Variants in SH3RF3 observed in about 807,000 individuals in gnomAD.
SH3RF3 encodes E3 ubiquitin-protein ligase SH3RF3.
In SH3RF3, 29 loss-of-function variants were observed where a neutral mutation model predicts 66.3. The observed-to-expected ratio is 0.44, with a 90% CI of 0.33 to 0.60. SH3RF3 has a LOEUF of 0.60. Among genes scored for constraint, SH3RF3 ranks in the 20% least tolerant of loss-of-function variants. The pLI is 0.04. For missense variants in SH3RF3, 1,194 were observed against 1,190.9 expected, an observed-to-expected ratio of 1.00 and a Z score of -0.04; for synonymous variants, 583 against 532.0, an observed-to-expected ratio of 1.10 and a Z score of -1.32.
chr2:109,476,426 A>G (rs992547064), intron 8 of SH3RF3, among the ~76,000 whole-genome samples: 4 of 152,208 alleles, frequency 2.6e-5, no homozygotes, highest in Non-Finnish European at 5.9e-5. Context: ...GGGTAGCCCC[A>G]GGGGAGGTAG....
chr2:109,288,708 A>AC (rs1681095358), intron 1 of SH3RF3, among the ~76,000 whole-genome samples: 2 of 152,130 alleles, frequency 1.3e-5, no homozygotes, highest in Non-Finnish European at 2.9e-5. Flanking sequence ...AGATTGCTGG[A>AC]CCTGACCCCT....
chr2:109,419,594 T>C lies in SH3RF3; in HGVS notation c.1355T>C (p.Val452Ala). 6.3e-7 allele frequency: 1 copy of C among 1,597,086 alleles called. No individual in the cohort carries two copies. The highest frequency in any genetic ancestry group is 8.5e-7 in the Non-Finnish European group (1 of 1,172,930). Residue 452 changes from valine to alanine, a missense_variant, in exon 5 of 10, where the codon GTG becomes GCG. Physicochemically the swap from Val to Ala is moderately conservative, Grantham distance 64 (BLOSUM62 0). Coordinates refer to ENST00000309415, the MANE Select transcript of SH3RF3 (RefSeq NM_001099289.3). ...ACGGCTGTCCCACGGGCTGCCTCGGTGTCTGGAGAGCAGGGCACGCCTCCC... is the reference window on the plus strand; with the variant it reads ...ACGGCTGTCCCACGGGCTGCCTCGGCGTCTGGAGAGCAGGGCACGCCTCCC... ...TPTAVPRAAS[V>A]SGEQGTPPKV...
intron 8 of SH3RF3, among the ~76,000 whole-genome samples, chr2:109,454,851 A>G (rs1416173969): frequency 6.6e-6 from 1 of 152,132 alleles, no homozygotes; most frequent in Non-Finnish European, 1.5e-5. Context: ...ATTGTAGACT[A>G]AAGAGAATTG....
At chr2:109,347,985 T>C in intron 2 of SH3RF3, 36 bp downstream of exon 2, 1 of 1,562,960 alleles carries the variant, frequency 6.4e-7, no homozygotes, top group Non-Finnish European at 8.7e-7. Context: ...CGCCAGCCCA[T>C]GCAGCCTCTG....
chr2:109,266,552 CTGGTGACACCA>C (rs1680501571), intron 1 of SH3RF3, among the ~76,000 whole-genome samples: 1 of 152,156 alleles, frequency 6.6e-6, no homozygotes, highest in Non-Finnish European at 1.5e-5. Flanking sequence ...CCTTAAACCA[CTGGTGACACCA>C]GGGACGTTTT....
intron 3 of SH3RF3, among the ~76,000 whole-genome samples, chr2:109,392,329 A>G (rs866255335): frequency 2.0e-5 from 3 of 152,186 alleles, no homozygotes; most frequent in Admixed American, 6.5e-5. Flanking sequence ...AGCAGTAGCA[A>G]TGGTGCTGCT....
At chr2:109,302,155 C>T (rs374418264) in intron 1 of SH3RF3, among the ~76,000 whole-genome samples, 2 of 152,192 alleles carry the variant, frequency 1.3e-5, no homozygotes, top group East Asian at 1.9e-4. Flanking sequence ...CTGTTGAACA[C>T]GGATCTGCAA....
At chr2:109,408,871 G>A (rs957341394) in intron 4 of SH3RF3, among the ~76,000 whole-genome samples, 1 of 152,206 alleles carries the variant, frequency 6.6e-6, no homozygotes, top group Non-Finnish European at 1.5e-5. Flanking sequence ...GGGGGGTCCA[G>A]GGCCTTCCTA....
chr2:109,223,242 C>G (rs940219455), intron 1 of SH3RF3, among the ~76,000 whole-genome samples: 8 of 152,150 alleles, frequency 5.3e-5, no homozygotes, highest in Admixed American at 5.2e-4. Context: ...GCCCTGATAA[C>G]CAGGAGTTGG....
chr2:109,294,408 A>G (rs1351275751), intron 1 of SH3RF3, among the ~76,000 whole-genome samples: 1 of 151,864 alleles, frequency 6.6e-6, no homozygotes, highest in Non-Finnish European at 1.5e-5. Flanking sequence ...TAAAAATACA[A>G]AAATTAGCCG....
chr2:109,306,116 A>T (rs1188246515), intron 1 of SH3RF3, among the ~76,000 whole-genome samples: 2 of 152,210 alleles, frequency 1.3e-5, no homozygotes, highest in Admixed American at 6.5e-5. Context: ...AAGTTGTTTC[A>T]TTCAACATCA....
At chr2:109,179,641 C>T (rs959561707) in intron 1 of SH3RF3, among the ~76,000 whole-genome samples, 2 of 152,094 alleles carry the variant, frequency 1.3e-5, no homozygotes, top group Non-Finnish European at 2.9e-5. Flanking sequence ...GGTGAGAGGG[C>T]AAGAATGTGC....
chr2:109,266,534 A>G (rs538836045), intron 1 of SH3RF3, among the ~76,000 whole-genome samples: 2 of 152,188 alleles, frequency 1.3e-5, no homozygotes, highest in South Asian at 4.2e-4. Context: ...TCCTCAATAC[A>G]GTGAAGTCCT....
At chr2:109,201,012 A>G (rs1678658932) in intron 1 of SH3RF3, among the ~76,000 whole-genome samples, 1 of 152,148 alleles carries the variant, frequency 6.6e-6, no homozygotes, top group African/African-American at 2.4e-5. Context: ...AGCAGCAGCT[A>G]AGTGGCTGTG....
intron 1 of SH3RF3, among the ~76,000 whole-genome samples, chr2:109,296,697 A>T (rs1681317389): frequency 6.6e-6 from 1 of 152,110 alleles, no homozygotes; most frequent in South Asian, 2.1e-4. Context: ...TGTCATGGGC[A>T]GCAGAGATTC....
intron 3 of SH3RF3, among the ~76,000 whole-genome samples, chr2:109,392,606 G>C (rs561083600): frequency 6.6e-6 from 1 of 151,954 alleles, no homozygotes; most frequent in South Asian, 2.1e-4. Context: ...GCTCCGCCTC[G>C]TGGGTTCACG....
At chr2:109,398,246 T>C (rs1676205205) in intron 3 of SH3RF3, among the ~76,000 whole-genome samples, 1 of 152,186 alleles carries the variant, frequency 6.6e-6, no homozygotes, top group Non-Finnish European at 1.5e-5. Flanking sequence ...TTCCTTCCCA[T>C]CTTGTCCCTA....
At chr2:109,286,093 A>T (rs554537935) in intron 1 of SH3RF3, among the ~76,000 whole-genome samples, 2 of 152,164 alleles carry the variant, frequency 1.3e-5, no homozygotes. Context: ...CTATCATTAC[A>T]TGGCAGTAGG....
intron 2 of SH3RF3, among the ~76,000 whole-genome samples, chr2:109,350,216 C>T (rs560727254): frequency 1.3e-5 from 2 of 152,264 alleles, no homozygotes; most frequent in Admixed American, 6.5e-5. Flanking sequence ...TCCATCTGTT[C>T]CCAAGTGGGC....
Sources: gnomAD v4.1 joint callset for allele counts (sites outside exome capture counted in the v4.1 genomes callset) on GRCh38, gnomAD v4.1.1 for gene constraint, MANE v1.5 for transcripts, NCBI Gene and HGNC (gene_info 2026-07-23, HGNC 2026-07-21) for gene names.